Variants in GALNT13 observed in about 807,000 individuals in gnomAD.
GALNT13 encodes the protein polypeptide N-acetylgalactosaminyltransferase 13, also known as UDP-GalNAc:polypeptide N-acetylgalactosaminyltransferase 13.
A neutral mutation model predicts 64.2 loss-of-function variants in GALNT13; 28 were observed. That is an observed-to-expected ratio of 0.44 (90% confidence interval 0.32 to 0.60). GALNT13 has a LOEUF of 0.60. GALNT13 is among the 20% of genes least tolerant of loss of function. The pLI, the probability that GALNT13 is intolerant of heterozygous loss-of-function variation, is 0.05. For synonymous variants in GALNT13, 214 were observed against 224.6 expected (o/e 0.95, Z 0.42); for missense variants, 577 against 669.8 (o/e 0.86, Z 1.53).
chr2:154,260,381 A>G (rs191684484), intron 8 of GALNT13, among the ~76,000 whole-genome samples: 114 of 152,284 alleles, frequency 7.5e-4, no homozygotes, highest in Non-Finnish European at 1.2e-3. Context: ...AAATTTGAGA[A>G]TGAGTTACCT....
the GALNT13 span, among the ~76,000 whole-genome samples, chr2:153,800,083 T>TCTCTCTCTCTC: frequency 7.6e-6 from 1 of 132,356 alleles, no homozygotes; most frequent in Non-Finnish European, 1.7e-5. Flanking sequence ...TCTCTCTCTC[T>TCTCTCTCTCTC]CCACCCCCCA....
chr2:153,348,024 C>T, the GALNT13 span, among the ~76,000 whole-genome samples: 39 of 152,132 alleles, frequency 2.6e-4, no homozygotes, highest in Non-Finnish European at 7.4e-5. Flanking sequence ...GATTCTTGGT[C>T]ACAGACAGTG....
chr2:153,588,957 G>A, the GALNT13 span, among the ~76,000 whole-genome samples: 2,070 of 152,028 alleles, frequency 0.014, 47 homozygotes, highest in African/African-American at 0.048. Flanking sequence ...ACCTGATGTT[G>A]GGAGTTTGAG....
the GALNT13 span, among the ~76,000 whole-genome samples, chr2:153,801,551 G>C: frequency 6.6e-6 from 1 of 152,090 alleles, no homozygotes; most frequent in Non-Finnish European, 1.5e-5. Context: ...TATCAATTAA[G>C]TTTTTCTCTT....
chr2:154,396,274 G>A, intron 10 of GALNT13, 144 bp downstream of exon 10: 2 of 469,998 alleles, frequency 4.3e-6, no homozygotes, highest in African/African-American at 2.0e-5. Context: ...ATATTTCAAG[G>A]ACCATGAAGT....
the GALNT13 span, among the ~76,000 whole-genome samples, chr2:153,078,829 G>T: frequency 6.6e-6 from 1 of 151,932 alleles, no homozygotes; most frequent in Non-Finnish European, 1.5e-5. Flanking sequence ...GTTAAAATTT[G>T]ATTTTTCTGA....
chr2:154,102,042 A>G (rs1702374048), intron 3 of GALNT13, among the ~76,000 whole-genome samples: 1 of 152,172 alleles, frequency 6.6e-6, no homozygotes, highest in South Asian at 2.1e-4. Context: ...AAATTTACCA[A>G]GACTTGCTTT....
intron 1 of GALNT13, among the ~76,000 whole-genome samples, chr2:153,890,906 C>T (rs1687508261): frequency 6.6e-6 from 1 of 151,974 alleles, no homozygotes; most frequent in South Asian, 2.1e-4. Context: ...TTCTCTGACC[C>T]TTAACTGTGG....
chr2:154,135,018 A>G (rs1682868998), intron 3 of GALNT13, among the ~76,000 whole-genome samples: 1 of 152,188 alleles, frequency 6.6e-6, no homozygotes, highest in South Asian at 2.1e-4. Flanking sequence ...TGGCATGTAC[A>G]ATAATGTTGA....
rs551227749 is a variant in GALNT13 at position 153,880,237 on chromosome 2, A to G, written c.-177+7934A>G. On this transcript the variant is annotated intron_variant, in intron 1 of 12. Transcript: ENST00000392825. The stretch of plus-strand genomic sequence containing the variant: ...TTTTTGTAAGCTTTGTATAAGATGG[A>G]ATATTTGTAATTTATAATCACTTGT... 2.6e-5 allele frequency among the ~76,000 whole-genome samples: 4 copies of G among 152,216 alleles called. No individual in the cohort carries two copies. The South Asian group carries it at 6.2e-4, about 24-fold the overall frequency.
chr2:154,409,419 A>G (rs995285263), intron 11 of GALNT13: 9 of 239,036 alleles, frequency 3.8e-5, no homozygotes, highest in Non-Finnish European at 6.5e-5. Flanking sequence ...AACATCTGTG[A>G]TGTTTTCCCA....
chr2:153,246,513 A>G, the GALNT13 span, among the ~76,000 whole-genome samples: 2 of 152,216 alleles, frequency 1.3e-5, no homozygotes, highest in Non-Finnish European at 2.9e-5. Context: ...TAAAGAAAAC[A>G]ATTTTCAACC....
intron 3 of GALNT13, among the ~76,000 whole-genome samples, chr2:154,014,649 T>TTTTTTTTTTTTTTTTTTTTTTTTC (rs1395681522): frequency 7.2e-6 from 1 of 139,412 alleles, no homozygotes; most frequent in Non-Finnish European, 1.6e-5. Flanking sequence ...TTTTTTTTTT[T>TTTTTTTTTTTTTTTTTTTTTTTTC]TGAGACGGAG....
intron 2 of GALNT13, among the ~76,000 whole-genome samples, chr2:153,907,888 T>C (rs1688688710): frequency 6.6e-6 from 1 of 152,118 alleles, no homozygotes; most frequent in Non-Finnish European, 1.5e-5. Context: ...TGTGTCTTTA[T>C]GGTAGGATAA....
the GALNT13 span, among the ~76,000 whole-genome samples, chr2:153,668,147 G>A: frequency 6.6e-6 from 1 of 152,052 alleles, no homozygotes; most frequent in Non-Finnish European, 1.5e-5. Context: ...ATTTTGATAA[G>A]CACACAATAA....
rs147837705 is a variant in GALNT13, at chr2:154,084,023, G to A, written c.143-56314G>A. Among the ~76,000 whole-genome samples the A allele has an allele frequency of 6.1e-4, 92 of 151,892 alleles. No homozygotes were observed. The East Asian group carries it at 0.016, about 27-fold the overall frequency. On this transcript the variant is annotated intron_variant, in intron 3 of 12. Transcript: ENST00000392825. The stretch of plus-strand genomic sequence containing the variant: ...TAAAAGAGCTGATGTCTTGGGCTCC[G>A]TATCCACATAGGCTACCTCTGGAAT...
At chr2:153,548,992 T>A in the GALNT13 span, among the ~76,000 whole-genome samples, 1 of 152,250 alleles carries the variant, frequency 6.6e-6, no homozygotes, top group East Asian at 1.9e-4. Context: ...TTATGCCAAG[T>A]AAAAGAAGCC....
chr2:154,329,161 A>T (rs1425772700), intron 9 of GALNT13, among the ~76,000 whole-genome samples: 4 of 152,064 alleles, frequency 2.6e-5, no homozygotes, highest in Admixed American at 2.6e-4. Flanking sequence ...GCTAGAGTGC[A>T]ATGGCGCAAT....
intron 8 of GALNT13, among the ~76,000 whole-genome samples, chr2:154,278,554 G>C (rs770889387): frequency 6.6e-6 from 1 of 152,120 alleles, no homozygotes; most frequent in Admixed American, 6.5e-5. Flanking sequence ...CATTTCCTTA[G>C]GTAGCACCTA....
Sources: allele counts gnomAD v4.1 joint callset (sites outside exome capture counted in the v4.1 genomes callset), GRCh38; gene constraint gnomAD v4.1.1; transcripts MANE v1.5; gene names NCBI Gene and HGNC (gene_info 2026-07-23, HGNC 2026-07-21).